Variants in ADAMTSL3 observed in about 807,000 individuals in gnomAD.
The protein encoded by ADAMTSL3 is ADAMTS-like protein 3.
In ADAMTSL3, 128 loss-of-function variants were observed where a neutral mutation model predicts 201.7. That is an observed-to-expected ratio of 0.63 (90% CI 0.55 to 0.73). ADAMTSL3 has a LOEUF of 0.73. Among genes scored for constraint, ADAMTSL3 ranks in the 30% least tolerant of loss-of-function variants. ADAMTSL3 has a pLI of 0.00. For synonymous variants in ADAMTSL3, 738 were observed against 748.4 expected, an observed-to-expected ratio of 0.99 and a Z score of 0.23; for missense variants, 1,990 against 2,119.6, an observed-to-expected ratio of 0.94 and a Z score of 1.20.
At chr15:83,791,389 G>C (rs2063342213) in intron 4 of ADAMTSL3, among the ~76,000 whole-genome samples, 1 of 152,158 alleles carries the variant, frequency 6.6e-6, no homozygotes, top group Non-Finnish European at 1.5e-5. Flanking sequence ...AAACAGACAG[G>C]TTGTCCGATG....
At chr15:83,984,711 T>A (rs962370221) in intron 21 of ADAMTSL3, among the ~76,000 whole-genome samples, 1 of 152,224 alleles carries the variant, frequency 6.6e-6, no homozygotes, top group Non-Finnish European at 1.5e-5. Flanking sequence ...AACATATTTT[T>A]TGAAAACCCT....
intron 2 of ADAMTSL3, among the ~76,000 whole-genome samples, chr15:83,698,460 G>A (rs1420456682): frequency 6.6e-6 from 1 of 152,186 alleles, no homozygotes; most frequent in East Asian, 1.9e-4. Context: ...GTGGACAGTG[G>A]CTGGTGGAGA....
rs568790504 is a variant in ADAMTSL3 at position 83,821,820 on chromosome 15, C to T, written c.600+1773C>T. 2.8e-4 allele frequency among the ~76,000 whole-genome samples: 42 copies of T among 150,622 alleles called. No homozygotes were observed. In the South Asian group the frequency reaches 3.4e-3, roughly 12 times the overall value. ...CTCCTCACTTCCCAGTAGGGGCGGCCGGGCAGAGGCGCCCCTCACCTCCCG... is the reference window on the plus strand; with the variant it reads ...CTCCTCACTTCCCAGTAGGGGCGGCTGGGCAGAGGCGCCCCTCACCTCCCG... On this transcript the variant is annotated intron_variant, in intron 6 of 29. Coordinates refer to ENST00000286744, the MANE Select transcript of ADAMTSL3 (RefSeq NM_207517.3).
chr15:83,721,221 C>T (rs2062095869), intron 3 of ADAMTSL3, among the ~76,000 whole-genome samples: 1 of 152,226 alleles, frequency 6.6e-6, no homozygotes, highest in African/African-American at 2.4e-5. Context: ...TAGGAAGTTA[C>T]CCTGAAGTTC....
intron 4 of ADAMTSL3, among the ~76,000 whole-genome samples, chr15:83,779,697 CA>C (rs199855902): frequency 2.2e-3 from 162 of 72,104 alleles, no homozygotes; most frequent in Admixed American, 4.2e-3. Context: ...GACTCCATCT[CA>C]AAAAAAAAAA....
intron 3 of ADAMTSL3, among the ~76,000 whole-genome samples, chr15:83,763,791 C>T (rs1275599290): frequency 3.3e-5 from 5 of 152,230 alleles, no homozygotes; most frequent in African/African-American, 1.2e-4. Context: ...AGGCGTGAGC[C>T]ACCGCACCCG....
At chr15:83,893,178 T>C (rs564762447) in intron 13 of ADAMTSL3, among the ~76,000 whole-genome samples, 2 of 152,304 alleles carry the variant, frequency 1.3e-5, no homozygotes, top group South Asian at 4.1e-4. Context: ...AAAGAACAAA[T>C]GTTGAAGCAG....
chr15:83,967,882 A>T (rs1440132037), intron 19 of ADAMTSL3, among the ~76,000 whole-genome samples: 1 of 152,216 alleles, frequency 6.6e-6, no homozygotes, highest in Non-Finnish European at 1.5e-5. Context: ...CATGCCACAC[A>T]TCTACAACCA....
chr15:83,697,622 G>A (rs1211524290), intron 2 of ADAMTSL3, among the ~76,000 whole-genome samples: 3 of 152,158 alleles, frequency 2.0e-5, no homozygotes, highest in African/African-American at 7.2e-5. Context: ...AAAGATGAAT[G>A]CCCAGATGAA....
chr15:83,749,855 C>G (rs1461663606), intron 3 of ADAMTSL3, among the ~76,000 whole-genome samples: 11 of 152,180 alleles, frequency 7.2e-5, no homozygotes, highest in Admixed American at 7.2e-4. Flanking sequence ...TTGTCATTGA[C>G]TTGACTGTGT....
At chr15:83,681,527 A>G (rs1169732411) in intron 2 of ADAMTSL3, among the ~76,000 whole-genome samples, 2 of 152,248 alleles carry the variant, frequency 1.3e-5, no homozygotes, top group African/African-American at 4.8e-5. Flanking sequence ...AAGGTGATCA[A>G]GAATGGATTC....
chr15:84,021,796 TC>T (rs2141913437), intron 26 of ADAMTSL3, among the ~76,000 whole-genome samples: 1 of 152,292 alleles, frequency 6.6e-6, no homozygotes, highest in East Asian at 1.9e-4. Context: ...ATGGGGAAAC[TC>T]CCCTAGGCCA....
intron 3 of ADAMTSL3, among the ~76,000 whole-genome samples, chr15:83,753,457 A>C (rs2062671046): frequency 6.6e-6 from 1 of 152,188 alleles, no homozygotes; most frequent in Non-Finnish European, 1.5e-5. Context: ...TTACTTTGGT[A>C]GCTGTCAAAT....
At chr15:83,780,277 G>A (rs2063146167) in intron 4 of ADAMTSL3, among the ~76,000 whole-genome samples, 1 of 151,934 alleles carries the variant, frequency 6.6e-6, no homozygotes, top group African/African-American at 2.4e-5. Flanking sequence ...GGGCATGGTG[G>A]CGGGCACCTG....
chr15:83,916,176 A>G (rs535900600), intron 16 of ADAMTSL3, among the ~76,000 whole-genome samples: 65 of 152,332 alleles, frequency 4.3e-4, no homozygotes, highest in Non-Finnish European at 8.4e-4. Flanking sequence ...CAGGTGGGTG[A>G]TGTTAAGGTG....
intron 7 of ADAMTSL3, among the ~76,000 whole-genome samples, chr15:83,840,259 T>C (rs2141983077): frequency 6.6e-6 from 1 of 152,046 alleles, no homozygotes; most frequent in Non-Finnish European, 1.5e-5. Context: ...AAAAATGAGA[T>C]GGGGGTGGCC....
At chr15:83,734,634 T>A (rs2062340027) in intron 3 of ADAMTSL3, among the ~76,000 whole-genome samples, 1 of 152,142 alleles carries the variant, frequency 6.6e-6, no homozygotes. Flanking sequence ...TGTAGCCATT[T>A]CTGGGAGGGT....
At chr15:83,727,354 T>C (rs1356025133) in intron 3 of ADAMTSL3, among the ~76,000 whole-genome samples, 1 of 151,694 alleles carries the variant, frequency 6.6e-6, no homozygotes, top group Non-Finnish European at 1.5e-5. Context: ...GTTTCATTGA[T>C]TTTTTTTGTA....
chr15:83,665,834 C>G (rs954503239), intron 2 of ADAMTSL3, among the ~76,000 whole-genome samples: 10 of 151,992 alleles, frequency 6.6e-5, no homozygotes, highest in African/African-American at 2.4e-4. Flanking sequence ...TTGTCCAAGC[C>G]TTCATTTACA....
Sources: gnomAD v4.1 joint callset for allele counts (sites outside exome capture counted in the v4.1 genomes callset) on GRCh38, gnomAD v4.1.1 for gene constraint, MANE v1.5 for transcripts, NCBI Gene and HGNC (gene_info 2026-07-23, HGNC 2026-07-21) for gene names.